Variants in PLXNC1 observed in about 807,000 individuals in gnomAD.
The protein encoded by PLXNC1 is plexin-C1.
Under a neutral mutation model 178.2 loss-of-function variants are expected in PLXNC1, and 75 were observed. That is an observed-to-expected ratio of 0.42 (90% confidence interval 0.35 to 0.51). PLXNC1 has a LOEUF of 0.51. Ranked by LOEUF, PLXNC1 falls within the 20% of genes least tolerant of loss-of-function variation. PLXNC1 has a pLI of 0.02. For synonymous variants in PLXNC1, 790 were observed against 779.9 expected (o/e 1.01, Z -0.22); for missense variants, 1,503 against 1,984.4 (o/e 0.76, Z 4.61).
intron 21 of PLXNC1, among the ~76,000 whole-genome samples, chr12:94,274,657 T>C (rs531828997): frequency 6.6e-6 from 1 of 152,354 alleles, no homozygotes; most frequent in South Asian, 2.1e-4. Context: ...CATGGGTATT[T>C]TCTGGGTATT....
At chr12:94,197,993 T>A (rs2135985323) in intron 4 of PLXNC1, among the ~76,000 whole-genome samples, 1 of 152,276 alleles carries the variant, frequency 6.6e-6, no homozygotes, top group East Asian at 1.9e-4. Context: ...ATTTACTGAG[T>A]ACCTGATATG....
chr12:94,199,585 G>A (rs1286160059), intron 4 of PLXNC1, among the ~76,000 whole-genome samples: 2 of 152,122 alleles, frequency 1.3e-5, no homozygotes, highest in South Asian at 4.1e-4. Context: ...ACACCAGAAG[G>A]GGTCTGGGGG....
Position 94,181,594 on chromosome 12 carries a change from C to A in PLXNC1, c.1338+14C>A. On this transcript the variant is annotated intron_variant, in intron 3 of 30. Coordinates refer to ENST00000258526, the MANE Select transcript of PLXNC1 (RefSeq NM_005761.3). ...GCTGGGAAAGAGGTAGGTAGAAATA[C>A]TAGTTATTGCTTCTGATTTATGAAT... The A allele has an allele frequency of 6.3e-7, 1 of 1,578,776 alleles. No individual in the cohort carries two copies. Among genetic ancestry groups the A allele is most frequent in the South Asian group, 1.1e-5 (1 of 88,758 alleles).
chr12:94,262,078 C>T (rs1011083971), intron 20 of PLXNC1, among the ~76,000 whole-genome samples: 1 of 152,168 alleles, frequency 6.6e-6, no homozygotes, highest in African/African-American at 2.4e-5. Flanking sequence ...ATGGAGGCAC[C>T]AGGACTCTCA....
intron 21 of PLXNC1, chr12:94,276,876 A>C (rs908179791): frequency 6.6e-6 from 1 of 152,128 alleles, no homozygotes; most frequent in Non-Finnish European, 1.5e-5. Context: ...CAGGCAAGGG[A>C]GTGACTCTGT....
intron 21 of PLXNC1, among the ~76,000 whole-genome samples, chr12:94,273,010 C>T (rs1395546334): frequency 2.0e-5 from 3 of 152,084 alleles, no homozygotes; most frequent in South Asian, 2.1e-4. Flanking sequence ...AGTCAGGACA[C>T]GTCCTAGTTA....
intron 4 of PLXNC1, among the ~76,000 whole-genome samples, chr12:94,201,255 C>G (rs573073755): frequency 2.0e-5 from 3 of 152,190 alleles, no homozygotes; most frequent in Non-Finnish European, 2.9e-5. Context: ...CAAGAAGCCT[C>G]GAATTGTGTC....
chr12:94,214,316 G>A (rs775805569), intron 5 of PLXNC1, among the ~76,000 whole-genome samples: 2 of 152,046 alleles, frequency 1.3e-5, no homozygotes, highest in Non-Finnish European at 2.9e-5. Flanking sequence ...CAAACCCCTG[G>A]GCTCAAGTGA....
intron 22 of PLXNC1, chr12:94,279,931 T>C (rs890373181): frequency 9.1e-6 from 5 of 551,652 alleles, no homozygotes; most frequent in African/African-American, 1.9e-5. Flanking sequence ...TTGCAGGCCC[T>C]GAGACTGCAC....
At chr12:94,264,679 C>T (rs1000308954) in intron 20 of PLXNC1, among the ~76,000 whole-genome samples, 3 of 152,260 alleles carry the variant, frequency 2.0e-5, no homozygotes, top group Non-Finnish European at 4.4e-5. Flanking sequence ...TTTTAAATGT[C>T]GTTTATTTCT....
At position 94,300,977 on chromosome 12, in the gene PLXNC1, C is replaced by A; in HGVS notation, c.4306C>A (p.Pro1436Thr). The change falls in exon 28 of 31, where the codon CCA becomes ACA. Residue 1436 changes from proline (P) to threonine (T), a missense_variant. By Grantham distance (38) the Pro-to-Thr change is conservative (BLOSUM62 -1). Around this residue, in one of 4 missense-constraint regions of PLXNC1, gnomAD observed 639 missense variants for 979.7 expected, o/e 0.65. Transcript: ENST00000258526. Reference sequence around the variant, plus strand: ...GTTTGTCTTTGACATTAAGAAGACACCACATATAGACGGCTGTTTGTCAGT... The same window carrying A: ...GTTTGTCTTTGACATTAAGAAGACAACACATATAGACGGCTGTTTGTCAGT... ...PQFVFDIKKT[P>T]HIDGCLSVIA... is the part of the protein sequence containing the mutation. 6.2e-7 allele frequency: 1 copy of A among 1,613,672 alleles called. No homozygotes were observed. The highest frequency in any genetic ancestry group is 1.1e-5 in the South Asian group (1 of 91,062).
intron 4 of PLXNC1, 151 bp from the exon 5 acceptor site, chr12:94,209,439 C>T: frequency 1.7e-6 from 1 of 604,442 alleles, no homozygotes; most frequent in South Asian, 2.1e-5. Context: ...CATCATGTTC[C>T]TATTCTCGCT....
chr12:94,259,737 A>T lies in PLXNC1; in HGVS notation c.3251+3A>T. The T allele has an allele frequency of 6.3e-7, 1 of 1,598,830 alleles. No homozygotes were observed. The highest frequency in any genetic ancestry group is 8.5e-7 in the Non-Finnish European group (1 of 1,174,926). ...AAGAACTTTTCTGTGAAGGACAGGT[A>T]TTAGTCCATTCTTTGATGTTTTAAA... On this transcript the variant is annotated splice_donor_region_variant and intron_variant, in intron 19 of 30. Transcript: ENST00000258526.
rs139250566 is a variant in PLXNC1, at chr12:94,301,939, G to C, written c.4386+882G>C. 7.8e-4 allele frequency among the ~76,000 whole-genome samples: 119 copies of C among 151,990 alleles called. 1 individual carries two copies. The East Asian group carries it at 0.022, about 28-fold the overall frequency. On this transcript the variant is annotated intron_variant, in intron 28 of 30. Transcript: ENST00000258526. ...CTTACTTCTGTCTCAAATGTCTGTC[G>C]CTCCCTCCTCCTTCCTTAGCCTTAT...
chr12:94,162,974 C>A (rs1285043365), intron 1 of PLXNC1, among the ~76,000 whole-genome samples: 1 of 152,180 alleles, frequency 6.6e-6, no homozygotes, highest in Non-Finnish European at 1.5e-5. Flanking sequence ...AGAAGTCCCG[C>A]ATCACACAGG....
chr12:94,181,425 C>CT, intron 2 of PLXNC1, 21 bp from the exon 3 acceptor site: 2 of 1,403,662 alleles, frequency 1.4e-6, no homozygotes, highest in Non-Finnish European at 2.0e-6. Context: ...TCATGTTTCT[C>CT]TTTTTGAAAA....
At chr12:94,204,929 A>C (rs909476559) in intron 4 of PLXNC1, among the ~76,000 whole-genome samples, 4 of 152,172 alleles carry the variant, frequency 2.6e-5, no homozygotes, top group Non-Finnish European at 5.9e-5. Flanking sequence ...TAACCCCCAC[A>C]TTCAAGCCAC....
At position 94,248,315 on chromosome 12, in the gene PLXNC1, A is replaced by T; in HGVS notation, c.2681A>T (p.Glu894Val). 1 of 1,613,884 alleles carries T rather than the reference A, an allele frequency of 6.2e-7. No individual in the cohort carries two copies. The highest frequency in any genetic ancestry group is 2.2e-5 in the East Asian group (1 of 44,880). The change falls in exon 14 of 31, where the codon GAA (glutamate) becomes GTA (valine). Residue 894 changes from glutamate (E) to valine (V), a missense_variant. Around this residue, in one of 4 missense-constraint regions of PLXNC1, gnomAD observed 639 missense variants for 979.7 expected, o/e 0.65. Coordinates refer to ENST00000258526, the MANE Select transcript of PLXNC1 (RefSeq NM_005761.3). ...AATGGGCAATTAAATTGCAGTTTTGAAAATATTACTAGAAATCAAGATCTT... is the reference window on the plus strand; with the variant it reads ...AATGGGCAATTAAATTGCAGTTTTGTAAATATTACTAGAAATCAAGATCTT... ...GENGQLNCSF[E>V]NITRNQDLTT... is the part of the protein sequence containing the mutation.
intron 1 of PLXNC1, among the ~76,000 whole-genome samples, chr12:94,166,897 G>A (rs994672153): frequency 6.6e-6 from 1 of 152,036 alleles, no homozygotes; most frequent in African/African-American, 2.4e-5. Context: ...CTCCTAAATA[G>A]GTGGGACAAC....
Sources: allele counts gnomAD v4.1 joint callset (sites outside exome capture counted in the v4.1 genomes callset), GRCh38; gene constraint gnomAD v4.1.1; regional missense constraint gnomAD v4.1.1; transcripts MANE v1.5; gene names NCBI Gene and HGNC (gene_info 2026-07-23, HGNC 2026-07-21).